CCSER1: variants seen among roughly 807,000 people sequenced by gnomAD.
CCSER1 encodes serine-rich coiled-coil domain-containing protein 1.
In CCSER1, 41 loss-of-function variants were observed where a neutral mutation model predicts 82.0. The ratio of observed to expected loss-of-function variants is 0.50; its 90% CI spans 0.39 to 0.65. The LOEUF (loss-of-function observed/expected upper bound fraction) is 0.65. Ranked by LOEUF, CCSER1 falls within the 30% of genes least tolerant of loss-of-function variation. CCSER1 has a pLI of 0.00. For synonymous variants in CCSER1, 414 were observed against 383.9 expected (o/e 1.08, Z -0.92); for missense variants, 1,119 against 1,064.2 (o/e 1.05, Z -0.72).
At chr4:90,392,163 A>C (rs1180142856) in intron 3 of CCSER1, among the ~76,000 whole-genome samples, 1 of 151,974 alleles carries the variant, frequency 6.6e-6, no homozygotes, top group Non-Finnish European at 1.5e-5. Flanking sequence ...GCAGTCATTA[A>C]ATTTTAACTT....
intron 10 of CCSER1, among the ~76,000 whole-genome samples, chr4:91,240,032 G>A (rs1739287155): frequency 6.3e-5 from 3 of 47,810 alleles, no homozygotes; most frequent in South Asian, 1.8e-3. Context: ...GGTTAATGCA[G>A]TGCACCTGTT....
chr4:90,396,432 C>A (rs889180344), intron 3 of CCSER1, among the ~76,000 whole-genome samples: 1 of 152,110 alleles, frequency 6.6e-6, no homozygotes, highest in African/African-American at 2.4e-5. Context: ...GAAGGAAATA[C>A]ATGACTACAT....
chr4:90,136,402 T>C (rs573131469), intron 1 of CCSER1, among the ~76,000 whole-genome samples: 13 of 152,198 alleles, frequency 8.5e-5, no homozygotes, highest in African/African-American at 1.7e-4. Context: ...TGTACTACTC[T>C]AATTCAGCCT....
intron 1 of CCSER1, among the ~76,000 whole-genome samples, chr4:90,185,011 G>A (rs1218381682): frequency 3.3e-5 from 5 of 152,040 alleles, no homozygotes; most frequent in Non-Finnish European, 7.4e-5. Flanking sequence ...CTAGGGAATA[G>A]GAGTGAGGAT....
At chr4:90,292,668 C>T (rs11933968) in intron 1 of CCSER1, among the ~76,000 whole-genome samples, 10,483 of 151,680 alleles carry the variant, frequency 0.069, 1,036 homozygotes, top group African/African-American at 0.22. Flanking sequence ...TATAACAGCA[C>T]TTACTTAAAA....
intron 10 of CCSER1, among the ~76,000 whole-genome samples, chr4:91,381,319 C>T (rs1750873290): frequency 1.3e-5 from 2 of 152,294 alleles, no homozygotes; most frequent in East Asian, 1.9e-4. Flanking sequence ...GGAAGTTCTC[C>T]TGGATAATAT....
At chr4:91,472,972 G>A (rs1452850576) in intron 10 of CCSER1, among the ~76,000 whole-genome samples, 4 of 152,080 alleles carry the variant, frequency 2.6e-5, no homozygotes, top group Non-Finnish European at 5.9e-5. Flanking sequence ...TGATATTCTC[G>A]TTTTTCCTAT....
chr4:91,527,451 ATT>A (rs1760821806), intron 10 of CCSER1, among the ~76,000 whole-genome samples: 2 of 152,222 alleles, frequency 1.3e-5, no homozygotes, highest in Non-Finnish European at 2.9e-5. Context: ...ACAATATAGT[ATT>A]TGAAAAGAAA....
intron 5 of CCSER1, among the ~76,000 whole-genome samples, chr4:90,507,147 G>T (rs900258629): frequency 2.1e-4 from 32 of 152,096 alleles, no homozygotes; most frequent in Admixed American, 2.1e-3. Context: ...CACTAGTTTT[G>T]TTCTTAACAC....
At chr4:90,786,417 C>A (rs549132021) in intron 7 of CCSER1, among the ~76,000 whole-genome samples, 64 of 152,076 alleles carry the variant, frequency 4.2e-4, no homozygotes, top group Non-Finnish European at 8.2e-4. Context: ...TACTAAATAT[C>A]TCTTAATAAA....
Position 90,147,265 on chromosome 4 carries a change from A to G in CCSER1, c.-42+19434A>G, listed in dbSNP as rs1369343912. On this transcript the variant is annotated intron_variant, in intron 1 of 10. Transcript: ENST00000509176. ...ATTTTATTCTCACAACAACCCTATG[A>G]GATAGGTTTTTAATCCCCATTGTTG... Among the ~76,000 whole-genome samples, 4 of 151,078 alleles carry G rather than the reference A, an allele frequency of 2.6e-5. No individual in the cohort carries two copies. In the South Asian group the frequency reaches 8.5e-4, roughly 32 times the overall value.
intron 8 of CCSER1, among the ~76,000 whole-genome samples, chr4:90,836,421 T>G (rs1761814612): frequency 6.6e-6 from 1 of 152,144 alleles, no homozygotes. Context: ...AGCTTTGCTT[T>G]GAGAGTCACC....
At chr4:91,141,734 A>G (rs1043153332) in intron 10 of CCSER1, among the ~76,000 whole-genome samples, 1 of 152,194 alleles carries the variant, frequency 6.6e-6, no homozygotes, top group South Asian at 2.1e-4. Context: ...GAATTAAGTT[A>G]CATCCCAACC....
At chr4:90,897,254 A>G (rs557255797) in intron 8 of CCSER1, among the ~76,000 whole-genome samples, 16 of 152,032 alleles carry the variant, frequency 1.1e-4, no homozygotes, top group Admixed American at 5.3e-4. Flanking sequence ...AGAGTATCCA[A>G]TAGGTGGTTT....
chr4:91,314,225 C>T (rs1745680655), intron 10 of CCSER1, among the ~76,000 whole-genome samples: 1 of 151,916 alleles, frequency 6.6e-6, no homozygotes, highest in African/African-American at 2.4e-5. Context: ...ATCTTCTCGC[C>T]AAGTGTCTAT....
chr4:91,120,416 A>G (rs72888537), intron 10 of CCSER1, among the ~76,000 whole-genome samples: 3,692 of 151,998 alleles, frequency 0.024, 145 homozygotes, highest in African/African-American at 0.084. Flanking sequence ...ATAAAGGATG[A>G]TTTTCCACCT....
chr4:90,498,254 A>C (rs953835469), intron 5 of CCSER1, among the ~76,000 whole-genome samples: 1 of 152,170 alleles, frequency 6.6e-6, no homozygotes, highest in Admixed American at 6.5e-5. Context: ...AATAATAACA[A>C]TTTACTGTAA....
intron 1 of CCSER1, among the ~76,000 whole-genome samples, chr4:90,255,391 ATTTTG>A (rs1338557809): frequency 6.6e-6 from 1 of 152,094 alleles, no homozygotes; most frequent in African/African-American, 2.4e-5. Context: ...ATATCAAGCC[ATTTTG>A]TTTTGCCTGT....
intron 4 of CCSER1, among the ~76,000 whole-genome samples, chr4:90,450,578 C>G (rs1202373473): frequency 6.6e-6 from 1 of 152,194 alleles, no homozygotes; most frequent in African/African-American, 2.4e-5. Flanking sequence ...TTTCTTTACT[C>G]TGGTACTTCG....
Sources: gnomAD v4.1 joint callset for allele counts (sites outside exome capture counted in the v4.1 genomes callset) on GRCh38, gnomAD v4.1.1 for gene constraint, MANE v1.5 for transcripts, NCBI Gene and HGNC (gene_info 2026-07-23, HGNC 2026-07-21) for gene names.